Variants in PALM2AKAP2 observed in about 807,000 individuals in gnomAD.
PALM2AKAP2 encodes PALM2-AKAP2 fusion protein.
Under a neutral mutation model 71.5 loss-of-function variants are expected in PALM2AKAP2, and 37 were observed. That is an observed-to-expected ratio of 0.52 (90% CI 0.40 to 0.68). The LOEUF is 0.68. Ranked by LOEUF, PALM2AKAP2 falls within the 30% of genes least tolerant of loss-of-function variation. The pLI is 0.00. For missense variants in PALM2AKAP2, 1,224 were observed against 1,191.8 expected (o/e 1.03, Z -0.40); for synonymous variants, 468 against 478.8 (o/e 0.98, Z 0.29).
intron 1 of PALM2AKAP2, among the ~76,000 whole-genome samples, chr9:110,129,789 T>G (rs1232868604): frequency 6.6e-6 from 1 of 152,142 alleles, no homozygotes; most frequent in African/African-American, 2.4e-5. Flanking sequence ...CTCCTCTGCT[T>G]CCCATGTGAC....
intron 1 of PALM2AKAP2, among the ~76,000 whole-genome samples, chr9:109,789,609 C>A (rs1187794566): frequency 6.6e-6 from 1 of 152,152 alleles, no homozygotes; most frequent in East Asian, 1.9e-4. Flanking sequence ...ACACAAAGCA[C>A]AGAGGCTGCA....
At chr9:110,082,753 A>C (rs1348875914) in intron 1 of PALM2AKAP2, among the ~76,000 whole-genome samples, 1 of 152,230 alleles carries the variant, frequency 6.6e-6, no homozygotes, top group Non-Finnish European at 1.5e-5. Context: ...ACAGTTCAGT[A>C]GTGTTAAGTA....
intron 1 of PALM2AKAP2, among the ~76,000 whole-genome samples, chr9:109,694,654 GC>G (rs915290524): frequency 3.9e-5 from 6 of 151,986 alleles, no homozygotes; most frequent in Non-Finnish European, 8.8e-5. Context: ...TTAAAATAAT[GC>G]CAAAATAAAT....
chr9:109,915,371 T>A (rs1212472625), intron 3 of PALM2AKAP2, among the ~76,000 whole-genome samples: 6 of 152,220 alleles, frequency 3.9e-5, no homozygotes, highest in African/African-American at 1.4e-4. Context: ...TGGCTTCTAC[T>A]CCCAGTCTGA....
At chr9:110,076,685 T>C (rs1488061219) in intron 1 of PALM2AKAP2, among the ~76,000 whole-genome samples, 2 of 151,980 alleles carry the variant, frequency 1.3e-5, no homozygotes, top group Admixed American at 1.3e-4. Flanking sequence ...TGGTCAGATG[T>C]GCTTTATTAA....
chr9:110,048,731 G>T, exon 1 of PALM2AKAP2: 2 of 1,546,164 alleles, frequency 1.3e-6, no homozygotes, highest in Non-Finnish European at 1.7e-6. Context: ...GCTGCCGCTC[G>T]CCTTCCCCCG....
intron 7 of PALM2AKAP2, among the ~76,000 whole-genome samples, chr9:110,040,684 G>A (rs1050815254): frequency 4.6e-5 from 7 of 152,044 alleles, no homozygotes; most frequent in Non-Finnish European, 2.9e-5. Context: ...CAAAAACTAA[G>A]AAATAATTTC....
intron 1 of PALM2AKAP2, among the ~76,000 whole-genome samples, chr9:109,792,751 T>G (rs1827151103): frequency 6.6e-6 from 1 of 152,092 alleles, no homozygotes; most frequent in Non-Finnish European, 1.5e-5. Context: ...TCCTAATACA[T>G]ACCTTCTGCT....
chr9:109,795,407 A>C (rs1253857607), intron 1 of PALM2AKAP2, among the ~76,000 whole-genome samples: 1 of 152,182 alleles, frequency 6.6e-6, no homozygotes, highest in Non-Finnish European at 1.5e-5. Flanking sequence ...ATTTTCTAGA[A>C]TCCCTCACGA....
intron 1 of PALM2AKAP2, among the ~76,000 whole-genome samples, chr9:109,769,515 C>T (rs975393804): frequency 6.6e-6 from 1 of 152,172 alleles, no homozygotes; most frequent in Non-Finnish European, 1.5e-5. Context: ...GACTGTTTTC[C>T]TTGGAAGCCA....
At chr9:109,921,588 T>C (rs1481388825) in intron 3 of PALM2AKAP2, among the ~76,000 whole-genome samples, 1 of 152,238 alleles carries the variant, frequency 6.6e-6, no homozygotes, top group African/African-American at 2.4e-5. Flanking sequence ...GGAAGCGATG[T>C]TATTTCCTGG....
At chr9:109,957,062 A>G (rs1831759955) in intron 6 of PALM2AKAP2, among the ~76,000 whole-genome samples, 1 of 152,258 alleles carries the variant, frequency 6.6e-6, no homozygotes, top group South Asian at 2.1e-4. Context: ...GGTGCCTGTC[A>G]TGCTGTTCCT....
chr9:109,664,684 G>T (rs190653868), intron 1 of PALM2AKAP2, among the ~76,000 whole-genome samples: 20 of 152,290 alleles, frequency 1.3e-4, no homozygotes, highest in Non-Finnish European at 2.6e-4. Context: ...TGCTCTTCTT[G>T]AGGAGTATCT....
upstream of PALM2AKAP2, among the ~76,000 whole-genome samples, chr9:109,779,991 C>G (rs966581903): frequency 3.8e-4 from 58 of 151,796 alleles, no homozygotes; most frequent in African/African-American, 1.4e-3. Flanking sequence ...GCCGTGCGCC[C>G]CAGCGGCTCG....
chr9:110,057,375 TTTTTTGTTTTTTTG>T (rs1443018855), intron 1 of PALM2AKAP2, among the ~76,000 whole-genome samples: 7 of 131,326 alleles, frequency 5.3e-5, no homozygotes, highest in African/African-American at 1.8e-4. Context: ...TGTTTTTTTT[TTTTTTGTTTTTTTG>T]TTTTTTTTTT....
exon 2 of PALM2AKAP2, chr9:110,136,519 C>T (rs200678539): frequency 6.2e-7 from 1 of 1,613,712 alleles, no homozygotes; most frequent in Non-Finnish European, 8.5e-7. Flanking sequence ...GCCCCCCTGT[C>T]CACGAGGCGA....
intron 6 of PALM2AKAP2, among the ~76,000 whole-genome samples, chr9:110,015,005 T>C (rs1185100026): frequency 1.3e-5 from 2 of 151,610 alleles, no homozygotes. Flanking sequence ...CCCCTGATCT[T>C]TTCTTTGATA....
intron 1 of PALM2AKAP2, among the ~76,000 whole-genome samples, chr9:109,863,600 G>C (rs948770217): frequency 1.3e-5 from 2 of 152,154 alleles, no homozygotes; most frequent in Admixed American, 6.5e-5. Flanking sequence ...TTAAGGGAAG[G>C]AGAAATCTGG....
At chr9:109,871,270 C>T (rs1203003020) in intron 2 of PALM2AKAP2, among the ~76,000 whole-genome samples, 1 of 152,142 alleles carries the variant, frequency 6.6e-6, no homozygotes, top group African/African-American at 2.4e-5. Context: ...GCAAATTCCA[C>T]AATACAGTAA....
Sources: gnomAD v4.1 joint callset for allele counts (sites outside exome capture counted in the v4.1 genomes callset) on GRCh38, gnomAD v4.1.1 for gene constraint, MANE v1.5 for transcripts, NCBI Gene and HGNC (gene_info 2026-07-23, HGNC 2026-07-21) for gene names.